Variants in SLC4A1 observed in about 807,000 individuals in gnomAD.
SLC4A1 encodes solute carrier family 4 member 1 (Diego blood group), also known as band 3 anion transport protein.
Under a neutral mutation model 93.1 loss-of-function variants are expected in SLC4A1, and 29 were observed. The observed-to-expected ratio is 0.31, with a 90% CI of 0.23 to 0.42. The LOEUF is 0.42. Ranked by LOEUF, SLC4A1 falls within the 20% of genes least tolerant of loss-of-function variation. The pLI is 1.00. For synonymous variants in SLC4A1, 469 were observed against 497.2 expected (o/e 0.94, Z 0.76); for missense variants, 965 against 1,190.1 (o/e 0.81, Z 2.78).
chr17:44,263,711 TTCC>T (rs1555597781), intron 1 of SLC4A1, among the ~76,000 whole-genome samples: 1 of 8,580 alleles, frequency 1.2e-4, no homozygotes, highest in Non-Finnish European at 5.5e-4. Context: ...CCTTCCCTCC[TTCC>T]TTCCTTCCTT....
Position 44,250,120 on chromosome 17 carries a change from C to T in SLC4A1, c.*338G>A, listed in dbSNP as rs1598294505. The stretch of plus-strand genomic sequence containing the variant: ...GCAAGCACCCCACCCGCTCACCCAC[C>T]TCCTGCCTTTGCTTCTACCCCTGCC... On this transcript the variant is annotated 3_prime_UTR_variant, in exon 20 of 20. Coordinates refer to ENST00000262418, the MANE Select transcript of SLC4A1 (RefSeq NM_000342.4). The T allele has an allele frequency of 8.4e-6, 3 of 357,312 alleles. No homozygotes were observed. In the East Asian group the frequency reaches 1.8e-4, roughly 22 times the overall value. 22.1% of individuals were successfully genotyped at this position (357,312 alleles called of 1,614,324 possible).
At position 44,259,806 on chromosome 17, in the gene SLC4A1, C is replaced by T. The variant is rs753046820; in HGVS notation, c.609+3G>A. The T allele has an allele frequency of 2.5e-6, 4 of 1,613,958 alleles. No individual in the cohort carries two copies. Among genetic ancestry groups the T allele is most frequent in the Non-Finnish European group, 3.4e-6 (4 of 1,180,036 alleles). On this transcript the variant is annotated splice_donor_region_variant and intron_variant, in intron 7 of 19. Coordinates refer to ENST00000262418, the MANE Select transcript of SLC4A1 (RefSeq NM_000342.4). ...CCTGACCCTGACCCTGTAACTGACTCACCTGCTCACAGAAGAGCTGTGTCT... is the reference window on the plus strand; with the variant it reads ...CCTGACCCTGACCCTGTAACTGACTTACCTGCTCACAGAAGAGCTGTGTCT...
intron 16 of SLC4A1, 59 bp from the exon 17 acceptor site, chr17:44,253,430 C>T: frequency 1.3e-6 from 2 of 1,569,344 alleles, no homozygotes; most frequent in East Asian, 2.3e-5. Flanking sequence ...CCACCCCCTC[C>T]TTCCTTCTCC....
chr17:44,260,758 T>C lies in SLC4A1; in HGVS notation c.226A>G (p.Met76Val), dbSNP rs752316872. The change falls in exon 5 of 20, where the codon ATG becomes GTG. Residue 76 changes from methionine to valine, a missense_variant. Around this residue, in one of 2 missense-constraint regions of SLC4A1, gnomAD observed 195 missense variants for 183.5 expected, o/e 1.06. Coordinates refer to ENST00000262418, the MANE Select transcript of SLC4A1 (RefSeq NM_000342.4). Reference protein sequence around the residue: ...MDEKNQELRWMEAARWVQLEE... With the variant: ...MDEKNQELRWVEAARWVQLEE... ...AGTTGCACCCAGCGCGCCGCCTCCA[T>C]CCATCTCAGCTCCTGGTTCTTTTCG... The C allele has an allele frequency of 6.2e-7, 1 of 1,614,030 alleles. No homozygotes were observed. Among genetic ancestry groups the C allele is most frequent in the Non-Finnish European group, 8.5e-7 (1 of 1,180,024 alleles).
Position 44,260,805 on chromosome 17 carries a change from T to G in SLC4A1, c.179A>C (p.Glu60Ala), listed in dbSNP as rs760664657. 6.2e-7 allele frequency: 1 copy of G among 1,612,294 alleles called. No individual in the cohort carries two copies. The highest frequency in any genetic ancestry group is 8.5e-7 in the Non-Finnish European group (1 of 1,180,016). ...SHPGTHKVYV[E>A]LQELVMDEKN... ...TTCGTCCATCACCAGCTCCTGCAGC[T>G]CCACATAGACCTGTGGCCCCATGCG... is the stretch of plus-strand genomic sequence containing the variant. Residue 60 changes from glutamate (E) to alanine (A), a missense_variant, in exon 5 of 20, where the codon GAG becomes GCG. Glu to Ala is a moderately radical substitution (Grantham distance 107, BLOSUM62 -1). Transcript: ENST00000262418.
rs1161833327 is a variant in SLC4A1 at position 44,257,459 on chromosome 17, G to C, written c.1517C>G (p.Ala506Gly). 1 of 1,613,914 alleles carries C rather than the reference G, an allele frequency of 6.2e-7. No individual in the cohort carries two copies. The highest frequency in any genetic ancestry group is 8.5e-7 in the Non-Finnish European group (1 of 1,180,004). The change falls in exon 13 of 20, where the codon GCC (alanine) becomes GGC (glycine). Residue 506 changes from alanine (A) to glycine (G), a missense_variant. Around this residue, in one of 2 missense-constraint regions of SLC4A1, gnomAD observed 770 missense variants for 1,006.6 expected, o/e 0.76. Coordinates refer to ENST00000262418, the MANE Select transcript of SLC4A1 (RefSeq NM_000342.4). ...GCGGACCAGGAAGCTACCCTCGAAG[G>C]CCACCACCAACACCACCAGCAGGAT... ...WLILLVVLVV[A>G]FEGSFLVRFI... is the part of the protein sequence containing the mutation.
At position 44,249,360 on chromosome 17, in the gene SLC4A1, G is replaced by A; in HGVS notation, c.*1098C>T. 3.2e-6 allele frequency: 1 copy of A among 308,846 alleles called. No homozygotes were observed. Among genetic ancestry groups the A allele is most frequent in the South Asian group, 2.4e-5 (1 of 40,872 alleles). The allele number at this position is 308,846 out of a possible 1,614,324, so 19.1% of individuals were successfully genotyped here. On this transcript the variant is annotated 3_prime_UTR_variant, in exon 20 of 20. Coordinates refer to ENST00000262418, the MANE Select transcript of SLC4A1 (RefSeq NM_000342.4). ...AGTTTAGATGGAGTTGAGGATAATG[G>A]CTCTCAAATGAGGGGCCTGAAGTTG...
intron 3 of SLC4A1, among the ~76,000 whole-genome samples, chr17:44,262,382 T>C (rs964071709): frequency 1.3e-5 from 2 of 152,244 alleles, no homozygotes; most frequent in Non-Finnish European, 2.9e-5. Flanking sequence ...GCTCACGCCC[T>C]TGTCCCAAAC....
intron 19 of SLC4A1, among the ~76,000 whole-genome samples, chr17:44,250,870 G>A (rs997393995): frequency 6.6e-6 from 1 of 152,248 alleles, no homozygotes; most frequent in Non-Finnish European, 1.5e-5. Context: ...CTCGGAAGAC[G>A]GCAGGACTTG....
intron 1 of SLC4A1, among the ~76,000 whole-genome samples, chr17:44,264,754 C>T (rs1038561736): frequency 6.6e-6 from 1 of 152,044 alleles, no homozygotes; most frequent in Non-Finnish European, 1.5e-5. Context: ...TCAGTTTTCT[C>T]AGTTGTGTCC....
Position 44,251,443 on chromosome 17 carries a change from G to A in SLC4A1, c.2457C>T (p.His819=), listed in dbSNP as rs772347193. 2.5e-6 allele frequency: 4 copies of A among 1,614,250 alleles called. No homozygotes were observed. Among genetic ancestry groups the A allele is most frequent in the Middle Eastern group, 1.6e-4 (1 of 6,062 alleles). Residue 819 remains histidine (H), a synonymous_variant, in exon 18 of 20, where the codon CAC becomes CAT. Transcript: ENST00000262418. ...CCCGCTTGACGTAGGGCACATCTGG[G>A]TGATACTTGGGTGGCTTGAACAGAA... ...ILLLFKPPKY[H]PDVPYVKRVK...
chr17:44,255,466 A>G (rs1381765516), intron 14 of SLC4A1, among the ~76,000 whole-genome samples, 170 bp from the exon 15 acceptor site: 2 of 152,136 alleles, frequency 1.3e-5, no homozygotes, highest in African/African-American at 4.8e-5. Context: ...TTCCCCCAGC[A>G]GTTCTCAGGC....
chr17:44,255,684 A>T lies in SLC4A1; in HGVS notation c.1789T>A (p.Phe597Ile), dbSNP rs778941244. 1 of 1,614,002 alleles carries T rather than the reference A, an allele frequency of 6.2e-7. No homozygotes were observed. The highest frequency in any genetic ancestry group is 1.1e-5 in the South Asian group (1 of 91,068). The change falls in exon 14 of 20, where the codon TTC becomes ATC. Residue 597 changes from phenylalanine to isoleucine, a missense_variant. By Grantham distance (21) the Phe-to-Ile change is conservative. Transcript: ENST00000262418. The stretch of plus-strand genomic sequence containing the variant: ...GAGGGTATGCTGACCTTGCCAGGGA[A>T]ATAGGAGCTGTTCTTGAACTTGCGC... ...MLRKFKNSSYFPGKLRRVIGD... is the reference protein window; with the variant it reads ...MLRKFKNSSYIPGKLRRVIGD...
chr17:44,259,745 G>T (rs1282748487), intron 7 of SLC4A1, 64 bp downstream of exon 7: 3 of 1,610,966 alleles, frequency 1.9e-6, no homozygotes, highest in Non-Finnish European at 2.5e-6. Context: ...ACCCCTGCTG[G>T]CGTTTGAGAA....
chr17:44,249,352 G>T lies in SLC4A1; in HGVS notation c.*1106C>A, dbSNP rs2047319653. On this transcript the variant is annotated 3_prime_UTR_variant, in exon 20 of 20. Coordinates refer to ENST00000262418, the MANE Select transcript of SLC4A1 (RefSeq NM_000342.4). ...CAAGATTCAGTTTAGATGGAGTTGA[G>T]GATAATGGCTCTCAAATGAGGGGCC... 2 of 312,392 alleles carry T rather than the reference G, an allele frequency of 6.4e-6. No individual in the cohort carries two copies. Among genetic ancestry groups the T allele is most frequent in the South Asian group, 4.8e-5 (2 of 41,748 alleles). 19.4% of individuals were successfully genotyped at this position (312,392 alleles called of 1,614,324 possible). A position where few individuals can be genotyped will look rare whatever the true frequency, so the allele number is the denominator to read the frequency against.
At position 44,259,342 on chromosome 17, in the gene SLC4A1, G is replaced by C. The variant is rs779054292; in HGVS notation, c.697C>G (p.Arg233Gly). 1 of 1,613,424 alleles carries C rather than the reference G, an allele frequency of 6.2e-7. No individual in the cohort carries two copies. The highest frequency in any genetic ancestry group is 8.5e-7 in the Non-Finnish European group (1 of 1,179,806). ...DSEATLVLVG[R>G]ADFLEQPVLG... ...ACCGGCTGCTCCAGGAAGTCGGCGC[G>C]GCCTGTTAGGGGATGAGAAGATCAG... Residue 233 changes from arginine to glycine, a missense_variant and splice_region_variant, in exon 9 of 20, where the codon CGC becomes GGC. Transcript: ENST00000262418.
chr17:44,265,531 A>G (rs45551738), intron 1 of SLC4A1, among the ~76,000 whole-genome samples: 5,490 of 151,750 alleles, frequency 0.036, 327 homozygotes, highest in African/African-American at 0.13. Context: ...CACCACGCCC[A>G]GCTAATTTTT....
chr17:44,254,594 C>A lies in SLC4A1; in HGVS notation c.1959G>T (p.Leu653=), dbSNP rs747603763. Residue 653 remains leucine (L), a synonymous_variant, in exon 16 of 20, where the codon CTG becomes CTT. Coordinates refer to ENST00000262418, the MANE Select transcript of SLC4A1 (RefSeq NM_000342.4). ...SSARGWVIHP[L]GLRSEFPIWM... ...AGATGGGAAACTCGGAACGCAAGCC[C>A]AGTGGGTGGATGACCCAGCCCCGGG... 1 of 1,614,172 alleles carries A rather than the reference C, an allele frequency of 6.2e-7. No individual in the cohort carries two copies. The highest frequency in any genetic ancestry group is 1.1e-5 in the South Asian group (1 of 91,082).
In SLC4A1 at chr17:44,260,048, TG is replaced by T. The variant is rs1023795420; in HGVS notation, c.486-117del. On this transcript the variant is annotated intron_variant, in intron 6 of 19. Coordinates refer to ENST00000262418, the MANE Select transcript of SLC4A1 (RefSeq NM_000342.4). ...GGGGTAGACATCAAGGGTAGACATC[TG>T]GGACTTCCCAGACCAGACCAGAGAG... 2.2e-6 allele frequency: 3 copies of T among 1,362,096 alleles called. No homozygotes were observed. In the African/African-American group the frequency reaches 4.3e-5, roughly 19 times the overall value. 84.4% of individuals were successfully genotyped at this position (1,362,096 alleles called of 1,614,324 possible). A position where few individuals can be genotyped will look rare whatever the true frequency, so the allele number is the denominator to read the frequency against.
Sources: allele counts gnomAD v4.1 joint callset (sites outside exome capture counted in the v4.1 genomes callset), GRCh38; gene constraint gnomAD v4.1.1; regional missense constraint gnomAD v4.1.1; transcripts MANE v1.5; gene names NCBI Gene and HGNC (gene_info 2026-07-23, HGNC 2026-07-21).